Variants in TTLL6 observed in about 807,000 individuals in gnomAD.
The protein encoded by TTLL6 is tubulin tyrosine ligase like 6.
A neutral mutation model predicts 96.4 loss-of-function variants in TTLL6; 75 were observed. That is an observed-to-expected ratio of 0.78 (90% CI 0.65 to 0.94). The LOEUF is 0.94. TTLL6 is among the 40% of genes least tolerant of loss of function. The probability of loss-of-function intolerance (pLI) is 0.00; values close to 1 mark genes in which losing one functional copy is unlikely to be tolerated. For missense variants in TTLL6, 1,030 were observed against 1,093.0 expected, an observed-to-expected ratio of 0.94 and a Z score of 0.81; for synonymous variants, 411 against 419.4, an observed-to-expected ratio of 0.98 and a Z score of 0.24.
chr17:48,776,066 A>C (rs1439513344), intron 13 of TTLL6, among the ~76,000 whole-genome samples: 4 of 152,218 alleles, frequency 2.6e-5, no homozygotes, highest in Non-Finnish European at 1.5e-5. Flanking sequence ...AAGCAAGAAA[A>C]ATAAAGAGAC....
At chr17:48,767,093 T>C (rs1236737404) in intron 15 of TTLL6, among the ~76,000 whole-genome samples, 1 of 152,090 alleles carries the variant, frequency 6.6e-6, no homozygotes, top group Non-Finnish European at 1.5e-5. Flanking sequence ...TTAGTAGAGA[T>C]GGGGTTTCAC....
At chr17:48,765,593 G>A (rs1415387246) in intron 15 of TTLL6, 1 of 152,176 alleles carries the variant, frequency 6.6e-6, no homozygotes, top group Non-Finnish European at 1.5e-5. Context: ...CTGGAGAGCA[G>A]TGGATATTCA....
At chr17:48,803,834 C>A in intron 3 of TTLL6, 57 bp downstream of exon 3, 3 of 1,530,572 alleles carry the variant, frequency 2.0e-6, no homozygotes, top group Non-Finnish European at 2.7e-6. Context: ...CTCTTCCCAA[C>A]CCTTTGGGAG....
At position 48,787,894 on chromosome 17, in the gene TTLL6, C is replaced by T. The variant is rs149748911; in HGVS notation, c.1506G>A (p.Ser502=). The T allele has an allele frequency of 1.1e-4, 184 of 1,614,158 alleles. 4 individuals are homozygous for T. Among genetic ancestry groups the T allele is most frequent in the East Asian group, 5.3e-4 (24 of 44,890 alleles). The change falls in exon 11 of 16, where the codon TCG becomes TCA. Residue 502 remains serine (S), a synonymous_variant. Coordinates refer to ENST00000393382, the MANE Select transcript of TTLL6 (RefSeq NM_001130918.3). The stretch of plus-strand genomic sequence containing the variant: ...CCTGGAAAAACTTCTCATACTTCTC[C>T]GAATTCAGACTGGGATAAATCAGTC... ...GFRLIYPSLN[S]EKYEKFFQDN...
intron 13 of TTLL6, among the ~76,000 whole-genome samples, chr17:48,774,722 G>T (rs2038837127): frequency 6.6e-6 from 1 of 152,048 alleles, no homozygotes; most frequent in Admixed American, 6.6e-5. Context: ...AAGTTATTTG[G>T]ATAGTCTTAT....
intron 13 of TTLL6, among the ~76,000 whole-genome samples, chr17:48,775,169 CAGAAAACAAA>C (rs2038846034): frequency 6.6e-6 from 1 of 150,870 alleles, no homozygotes; most frequent in African/African-American, 2.4e-5. Context: ...TAATCTCTTG[CAGAAAACAAA>C]AGAGAAAGGA....
intron 12 of TTLL6, 145 bp downstream of exon 12, chr17:48,786,019 C>T (rs571716377): frequency 9.6e-6 from 12 of 1,245,576 alleles, no homozygotes; most frequent in East Asian, 7.0e-5. Flanking sequence ...CAGGGCTCCC[C>T]GCACCGCCCC....
intron 8 of TTLL6, chr17:48,794,394 C>A (rs1216925167): frequency 5.4e-6 from 8 of 1,480,702 alleles, no homozygotes; most frequent in Non-Finnish European, 5.4e-6. Context: ...CTCACAGAGA[C>A]CCTGTGAGGT....
Position 48,804,892 on chromosome 17 carries a change from TC to T in TTLL6, c.202del (p.Asp68ThrfsTer16). 1 of 1,552,194 alleles carries T rather than the reference TC, an allele frequency of 6.4e-7. No individual in the cohort carries two copies. Among genetic ancestry groups the T allele is most frequent in the Non-Finnish European group, 8.7e-7 (1 of 1,147,090 alleles). ...TTCTTTTGGATCTTCTTTGGAACTG[TC>T]CCCCTTCTCTTCGGAGTTTTCCCCT... ...QEGENSEEKGDSSKEDPKETV... is the reference protein window; with the variant it reads ...QEGENSEEKGXSSKEDPKETV... On this transcript the variant is annotated frameshift_variant, in exon 2 of 16. Transcript: ENST00000393382. LOFTEE classifies it high-confidence loss of function.
chr17:48,773,394 C>G (rs1412532958), intron 13 of TTLL6, among the ~76,000 whole-genome samples: 3 of 152,216 alleles, frequency 2.0e-5, no homozygotes, highest in Non-Finnish European at 4.4e-5. Context: ...TCTGGTTTCT[C>G]TTTAGATGGT....
At chr17:48,794,162 A>T (rs758262857) in intron 8 of TTLL6, 2 of 1,612,922 alleles carry the variant, frequency 1.2e-6, no homozygotes, top group Non-Finnish European at 1.7e-6. Context: ...GGACAGGGGA[A>T]ATGGAAGAGG....
chr17:48,788,401 C>T (rs2039150527), intron 10 of TTLL6, among the ~76,000 whole-genome samples: 1 of 152,182 alleles, frequency 6.6e-6, no homozygotes, highest in Non-Finnish European at 1.5e-5. Context: ...ACCTTGATGA[C>T]CGTTTACGAG....
intron 6 of TTLL6, 82 bp from the exon 7 acceptor site, chr17:48,797,286 T>C (rs1350561078): frequency 3.8e-5 from 54 of 1,430,356 alleles, no homozygotes; most frequent in Non-Finnish European, 4.8e-5. Flanking sequence ...CTTGTTTCCA[T>C]GGAGTTGGCT....
chr17:48,782,638 G>A (rs1567721302), intron 13 of TTLL6, among the ~76,000 whole-genome samples: 2 of 152,152 alleles, frequency 1.3e-5, no homozygotes, highest in Admixed American at 6.5e-5. Context: ...TCTCTTAAAG[G>A]TGCTTTTCAA....
chr17:48,762,928 A>G lies in TTLL6; in HGVS notation c.*46T>C. 2.2e-6 allele frequency: 1 copy of G among 456,378 alleles called. No homozygotes were observed. The highest frequency in any genetic ancestry group is 1.6e-5 in the South Asian group (1 of 64,490). The allele number at this position is 456,378 out of a possible 1,614,324, so 28.3% of individuals were successfully genotyped here. A position where few individuals can be genotyped will look rare whatever the true frequency, so the allele number is the denominator to read the frequency against. ...TCGGAAGAGACACATTGTTTCCTGC[A>G]AGTTAAGAGGTAGGAAGGGAAAAGT... On this transcript the variant is annotated 3_prime_UTR_variant, in exon 16 of 16. Transcript: ENST00000393382.
In TTLL6 at chr17:48,786,302, C is replaced by A. The variant is rs762226804; in HGVS notation, c.1623G>T (p.Glu541Asp). 9.9e-6 allele frequency: 16 copies of A among 1,614,236 alleles called. No individual in the cohort carries two copies. In the East Asian group the frequency reaches 1.3e-4, roughly 13 times the overall value. The change falls in exon 12 of 16, where the codon GAG becomes GAT. Residue 541 changes from glutamate (E) to aspartate (D), a missense_variant. Physicochemically the swap from Glu to Asp is conservative, Grantham distance 45 (BLOSUM62 2). Coordinates refer to ENST00000393382, the MANE Select transcript of TTLL6 (RefSeq NM_001130918.3). ...QLIQELRLKR[E>D]KKPFQMKKKV... ...TCTTCTTCATTTGGAAGGGCTTTTTCTCCCGTTTTAGTCTCAGCTCCTGGA... is the reference window on the plus strand; with the variant it reads ...TCTTCTTCATTTGGAAGGGCTTTTTATCCCGTTTTAGTCTCAGCTCCTGGA...
chr17:48,772,470 G>A (rs897419887), intron 13 of TTLL6, among the ~76,000 whole-genome samples: 11 of 152,240 alleles, frequency 7.2e-5, no homozygotes, highest in East Asian at 1.9e-4. Context: ...AGTGGCTCAC[G>A]CCTGTAATCC....
intron 1 of TTLL6, among the ~76,000 whole-genome samples, chr17:48,810,482 A>G (rs371670995): frequency 2.0e-5 from 3 of 152,112 alleles, no homozygotes; most frequent in Admixed American, 1.3e-4. Context: ...ATCCTGAAAG[A>G]GCATCTCCTT....
intron 1 of TTLL6, among the ~76,000 whole-genome samples, chr17:48,807,546 T>C (rs2039521898): frequency 6.6e-6 from 1 of 152,160 alleles, no homozygotes; most frequent in Non-Finnish European, 1.5e-5. Flanking sequence ...GAGTCTTGCT[T>C]TGTCGCCCAG....
Sources: allele counts gnomAD v4.1 joint callset (sites outside exome capture counted in the v4.1 genomes callset), GRCh38; gene constraint gnomAD v4.1.1; transcripts MANE v1.5; gene names NCBI Gene and HGNC (gene_info 2026-07-23, HGNC 2026-07-21).